The following NSMCE2 variants were observed in gnomAD, a reference collection of about 807,000 sequenced individuals.
The protein encoded by NSMCE2 is NSE2 SUMO ligase component of SMC5/6 complex, also known as E3 SUMO-protein ligase NSE2.
Under a neutral mutation model 23.8 loss-of-function variants are expected in NSMCE2, and 24 were observed. The observed-to-expected ratio is 1.01, with a 90% CI of 0.73 to 1.42. NSMCE2 has a LOEUF of 1.42. Among genes scored for constraint, NSMCE2 ranks in the 40% most tolerant of loss-of-function variants. The pLI is 0.00. For synonymous variants in NSMCE2, 92 were observed against 94.1 expected, an observed-to-expected ratio of 0.98 and a Z score of 0.13; for missense variants, 284 against 296.5, an observed-to-expected ratio of 0.96 and a Z score of 0.31.
Position 125,233,487 on chromosome 8 carries a change from C to T in NSMCE2, c.418+51231C>T, listed in dbSNP as rs145791409. Among the ~76,000 whole-genome samples, 492 of 152,038 alleles carry T rather than the reference C, an allele frequency of 3.2e-3. 1 individual carries two copies. The highest frequency in any genetic ancestry group is 0.011 in the African/African-American group (461 of 41,470). On this transcript the variant is annotated intron_variant, in intron 5 of 7. Transcript: ENST00000287437. ...CACATGTGGAGTTTTTTATTTTTAA[C>T]AAGGTATTAGTACTATTAGGTAATA...
At chr8:125,157,620 A>G (rs1363453005) in intron 4 of NSMCE2, among the ~76,000 whole-genome samples, 1 of 152,236 alleles carries the variant, frequency 6.6e-6, no homozygotes, top group South Asian at 2.1e-4. Context: ...TGAATATAGT[A>G]TCCCACTAAT....
intron 5 of NSMCE2, among the ~76,000 whole-genome samples, chr8:125,251,047 G>A (rs149628016): frequency 8.5e-5 from 13 of 152,266 alleles, no homozygotes; most frequent in African/African-American, 3.1e-4. Context: ...GTTAAAAGTA[G>A]TTGTCTTTGA....
chr8:125,199,831 A>G (rs1823788437), intron 5 of NSMCE2, among the ~76,000 whole-genome samples: 1 of 151,630 alleles, frequency 6.6e-6, no homozygotes, highest in Admixed American at 6.6e-5. Context: ...GTAGATCTCT[A>G]AGGACTTGCT....
chr8:125,220,653 AAAAGT>A (rs1279074286), intron 5 of NSMCE2, among the ~76,000 whole-genome samples: 5 of 152,042 alleles, frequency 3.3e-5, no homozygotes, highest in African/African-American at 9.7e-5. Context: ...AAAAAAAAAA[AAAAGT>A]AAAGAACTTA....
intron 5 of NSMCE2, among the ~76,000 whole-genome samples, chr8:125,192,322 T>G (rs1388909776): frequency 6.8e-6 from 1 of 147,084 alleles, no homozygotes; most frequent in Admixed American, 6.8e-5. Context: ...TACTTCATTT[T>G]TAAAAGGTTT....
At chr8:125,287,235 G>A (rs1269849234) in intron 5 of NSMCE2, among the ~76,000 whole-genome samples, 1 of 152,198 alleles carries the variant, frequency 6.6e-6, no homozygotes, top group Non-Finnish European at 1.5e-5. Flanking sequence ...GGGAGGCTGA[G>A]GCAGGAGGAT....
At position 125,287,405 on chromosome 8, in the gene NSMCE2, A is replaced by G. The variant is rs148348730; in HGVS notation, c.419-69814A>G. On this transcript the variant is annotated intron_variant, in intron 5 of 7. Transcript: ENST00000287437. ...CTGGAGTTGCTACAAGCCCAGTGCC[A>G]TTGTTTCATGCCTGCTGCTACTGTT... 3.4e-3 allele frequency among the ~76,000 whole-genome samples: 512 copies of G among 152,276 alleles called. 6 individuals are homozygous for G. Among genetic ancestry groups the G allele is most frequent in the African/African-American group, 0.012 (487 of 41,562 alleles).
intron 6 of NSMCE2, 106 bp from the exon 7 acceptor site, chr8:125,357,606 C>A: frequency 2.5e-6 from 2 of 806,592 alleles, no homozygotes; most frequent in Non-Finnish European, 4.1e-6. Flanking sequence ...TTATGTAAAG[C>A]CATGAGAATG....
At chr8:125,279,841 T>C (rs1299735436) in intron 5 of NSMCE2, among the ~76,000 whole-genome samples, 1 of 152,230 alleles carries the variant, frequency 6.6e-6, no homozygotes, top group Non-Finnish European at 1.5e-5. Context: ...GCCTTAAGTT[T>C]GCCCTTAAGA....
intron 5 of NSMCE2, among the ~76,000 whole-genome samples, chr8:125,246,990 CA>C (rs1826004322): frequency 6.6e-6 from 1 of 151,582 alleles, no homozygotes; most frequent in Non-Finnish European, 1.5e-5. Context: ...TAACTATAGT[CA>C]CGTTGCTTTA....
At position 125,210,506 on chromosome 8, in the gene NSMCE2, A is replaced by C. The variant is rs906624218; in HGVS notation, c.418+28250A>C. On this transcript the variant is annotated intron_variant, in intron 5 of 7. Transcript: ENST00000287437. ...TTACATTATACACACATGACCACTT[A>C]AGAGAGAAATACATACTATAGAAGA... 5.3e-5 allele frequency among the ~76,000 whole-genome samples: 8 copies of C among 152,196 alleles called. No homozygotes were observed. In the South Asian group the frequency reaches 6.2e-4, roughly 12 times the overall value.
At chr8:125,335,059 T>C (rs1038812185) in intron 5 of NSMCE2, among the ~76,000 whole-genome samples, 1 of 152,072 alleles carries the variant, frequency 6.6e-6, no homozygotes, top group Admixed American at 6.5e-5. Flanking sequence ...CCTGACCAGA[T>C]TGCGAAGTAT....
chr8:125,128,353 G>A (rs1819606598), intron 3 of NSMCE2, among the ~76,000 whole-genome samples: 1 of 152,150 alleles, frequency 6.6e-6, no homozygotes, highest in African/African-American at 2.4e-5. Context: ...GGACTAGAAA[G>A]GTGGTAAGGG....
intron 5 of NSMCE2, among the ~76,000 whole-genome samples, chr8:125,299,831 T>TTTTTTTTC: frequency 7.7e-6 from 1 of 130,298 alleles, no homozygotes; most frequent in East Asian, 2.0e-4. Context: ...TTTTTTTTTT[T>TTTTTTTTC]GTCTTGAGAC....
At chr8:125,222,525 C>T (rs1824909695) in intron 5 of NSMCE2, among the ~76,000 whole-genome samples, 1 of 152,094 alleles carries the variant, frequency 6.6e-6, no homozygotes. Context: ...CCAACCCCTT[C>T]CCCCTTCCCC....
At chr8:125,236,975 A>G (rs2130964858) in intron 5 of NSMCE2, among the ~76,000 whole-genome samples, 1 of 152,320 alleles carries the variant, frequency 6.6e-6, no homozygotes, top group South Asian at 2.1e-4. Context: ...AGTAGAACAA[A>G]GGGCTGTAGG....
intron 4 of NSMCE2, among the ~76,000 whole-genome samples, chr8:125,167,030 G>C (rs1275309302): frequency 6.6e-6 from 1 of 152,000 alleles, no homozygotes; most frequent in Non-Finnish European, 1.5e-5. Context: ...CACGTATGTG[G>C]ATTCCTCCTC....
At chr8:125,243,809 C>T (rs1422448822) in intron 5 of NSMCE2, among the ~76,000 whole-genome samples, 3 of 152,084 alleles carry the variant, frequency 2.0e-5, no homozygotes, top group African/African-American at 7.2e-5. Context: ...ATGGAGCATC[C>T]GTCACCTTAG....
chr8:125,275,824 G>A (rs1325694136), intron 5 of NSMCE2, among the ~76,000 whole-genome samples: 1 of 152,154 alleles, frequency 6.6e-6, no homozygotes, highest in Non-Finnish European at 1.5e-5. Context: ...GACATAATGA[G>A]CTAGTAATTG....
Sources: allele counts gnomAD v4.1 joint callset (sites outside exome capture counted in the v4.1 genomes callset), GRCh38; gene constraint gnomAD v4.1.1; transcripts MANE v1.5; gene names NCBI Gene and HGNC (gene_info 2026-07-23, HGNC 2026-07-21).